Variants in UGGT1 observed in about 807,000 individuals in gnomAD.
The protein encoded by UGGT1 is UDP-glucose:glycoprotein glucosyltransferase 1.
In UGGT1, 107 loss-of-function variants were observed where a neutral mutation model predicts 203.9. That is an observed-to-expected ratio of 0.52 (90% CI 0.45 to 0.62). The LOEUF (loss-of-function observed/expected upper bound fraction) is 0.62. UGGT1 is among the 20% of genes least tolerant of loss of function. UGGT1 has a pLI of 0.00. For synonymous variants in UGGT1, 628 were observed against 653.5 expected (o/e 0.96, Z 0.59); for missense variants, 1,673 against 1,867.2 (o/e 0.90, Z 1.92).
chr2:128,093,678 C>G (rs1424945182), intron 1 of UGGT1, among the ~76,000 whole-genome samples: 1 of 152,136 alleles, frequency 6.6e-6, no homozygotes. Context: ...GCTTTTTACC[C>G]TTTTGTAAAG....
At chr2:128,094,199 A>G (rs1310805267) in intron 1 of UGGT1, among the ~76,000 whole-genome samples, 4 of 152,136 alleles carry the variant, frequency 2.6e-5, no homozygotes, top group Admixed American at 6.6e-5. Flanking sequence ...ATACTGCTAG[A>G]CAGTTCATAT....
At position 128,177,897 on chromosome 2, in the gene UGGT1, T is replaced by A; in HGVS notation, c.3690T>A (p.Ser1230=). The change falls in exon 33 of 41, where the codon TCT becomes TCA. Residue 1230 remains serine, a synonymous_variant. Coordinates refer to ENST00000259253, the MANE Select transcript of UGGT1 (RefSeq NM_020120.4). ...LLSDGTSENE[S]GFWDSFKWGF... is the part of the protein sequence containing the mutation. ...GTGATGGAACGAGTGAGAATGAATC[T>A]GGATTTTGGGATTCCTTCAAATGGT... 1 of 1,604,332 alleles carries A rather than the reference T, an allele frequency of 6.2e-7. No individual in the cohort carries two copies. The highest frequency in any genetic ancestry group is 8.5e-7 in the Non-Finnish European group (1 of 1,175,806).
At chr2:128,097,018 G>A (rs1191863740) in intron 1 of UGGT1, among the ~76,000 whole-genome samples, 3 of 152,216 alleles carry the variant, frequency 2.0e-5, no homozygotes, top group African/African-American at 7.2e-5. Flanking sequence ...GCTAACTTAT[G>A]TTATTTTGTG....
rs574016303 is a variant in UGGT1, at chr2:128,145,188, G to C, written c.1852-615G>C. On this transcript the variant is annotated intron_variant, in intron 17 of 40. Transcript: ENST00000259253. Reference sequence around the variant, plus strand: ...GTGATATGGACCCTTATTTAGAATTGGGTGCAAATATTTACCTCAGGCTTT... The same window carrying C: ...GTGATATGGACCCTTATTTAGAATTCGGTGCAAATATTTACCTCAGGCTTT... Among the ~76,000 whole-genome samples the C allele has an allele frequency of 5.3e-5, 8 of 152,106 alleles. 1 individual carries two copies. Among genetic ancestry groups the C allele is most frequent in the Non-Finnish European group, 1.0e-4 (7 of 68,028 alleles).
intron 11 of UGGT1, among the ~76,000 whole-genome samples, chr2:128,126,183 C>G (rs1357109235): frequency 6.6e-6 from 1 of 151,240 alleles, no homozygotes. Flanking sequence ...ACCTCATGAT[C>G]TGCCTGCCTT....
chr2:128,188,293 C>G (rs1692094226), intron 40 of UGGT1, among the ~76,000 whole-genome samples: 1 of 152,120 alleles, frequency 6.6e-6, no homozygotes, highest in African/African-American at 2.4e-5. Context: ...ATCCGCCCGC[C>G]TCAGCCTCCC....
chr2:128,091,565 C>G, intron 1 of UGGT1, 150 bp downstream of exon 1: 2 of 1,441,712 alleles, frequency 1.4e-6, no homozygotes, highest in South Asian at 1.5e-5. Context: ...TCGCGAGCGC[C>G]CCGAGTTGCC....
chr2:128,133,947 A>G (rs751608958), intron 14 of UGGT1, among the ~76,000 whole-genome samples: 113 of 152,138 alleles, frequency 7.4e-4, no homozygotes, highest in Non-Finnish European at 6.5e-4. Context: ...CAGCCGGGAA[A>G]GAGATAGTGG....
chr2:128,125,983 C>T (rs1325903706), intron 11 of UGGT1, among the ~76,000 whole-genome samples: 4 of 149,790 alleles, frequency 2.7e-5, no homozygotes, highest in Admixed American at 1.3e-4. Flanking sequence ...TGCTGTGTCG[C>T]CCAGGCTGGA....
intron 26 of UGGT1, among the ~76,000 whole-genome samples, chr2:128,168,655 C>A (rs1690917711): frequency 6.6e-6 from 1 of 152,130 alleles, no homozygotes; most frequent in African/African-American, 2.4e-5. Context: ...AAGTTGAGTC[C>A]TTTTAAAAGT....
intron 1 of UGGT1, among the ~76,000 whole-genome samples, chr2:128,092,311 T>TA (rs1483313184): frequency 1.5e-4 from 22 of 142,838 alleles, no homozygotes; most frequent in Admixed American, 2.9e-4. Flanking sequence ...AAGCTTATTT[T>TA]AAAAAAATTC....
chr2:128,132,528 A>G (rs1236852672), intron 13 of UGGT1, among the ~76,000 whole-genome samples: 1 of 152,236 alleles, frequency 6.6e-6, no homozygotes, highest in South Asian at 2.1e-4. Flanking sequence ...AGCCTCGTCA[A>G]TAGAGAGACT....
chr2:128,092,474 C>A (rs998839186), intron 1 of UGGT1, among the ~76,000 whole-genome samples: 1 of 151,614 alleles, frequency 6.6e-6, no homozygotes, highest in African/African-American at 2.4e-5. Flanking sequence ...CATTGAACTT[C>A]AGGGGAATAT....
Position 128,174,833 on chromosome 2 carries a change from T to G in UGGT1, c.3514T>G (p.Ser1172Ala). The change falls in exon 31 of 41, where the codon TCT becomes GCT. Residue 1172 changes from serine (S) to alanine (A), a missense_variant. Coordinates refer to ENST00000259253, the MANE Select transcript of UGGT1 (RefSeq NM_020120.4). ...GATCCTCAGACTTAGGAAGGGACGC[T>G]CTGAAGATATTTATAGAATTTACAG... is the stretch of plus-strand genomic sequence containing the variant. The part of the protein sequence containing the change: ...AWILRLRKGR[S>A]EDIYRIYSHD... The G allele has an allele frequency of 6.2e-7, 1 of 1,613,316 alleles. No individual in the cohort carries two copies.
intron 13 of UGGT1, 41 bp from the exon 14 acceptor site, chr2:128,133,100 G>T (rs762714367): frequency 1.9e-6 from 3 of 1,603,290 alleles, no homozygotes; most frequent in East Asian, 4.5e-5. Flanking sequence ...TTACTAACTG[G>T]TTCCTAATGT....
In UGGT1 at chr2:128,192,045, C is replaced by G. The variant is rs868513242; in HGVS notation, c.*2303C>G. 1 of 152,274 alleles carries G rather than the reference C, an allele frequency of 6.6e-6. No individual in the cohort carries two copies. The highest frequency in any genetic ancestry group is 1.5e-5 in the Non-Finnish European group (1 of 68,132). 9.4% of individuals were successfully genotyped at this position (152,274 alleles called of 1,614,324 possible). A position where few individuals can be genotyped will look rare whatever the true frequency, so the allele number is the denominator to read the frequency against. On this transcript the variant is annotated 3_prime_UTR_variant, in exon 41 of 41. Transcript: ENST00000259253. Reference sequence around the variant, plus strand: ...TATATGCTTTCCAAATGCTGGCCCCCATAGCACCTTTCCCCATGTCTTTCT... The same window carrying G: ...TATATGCTTTCCAAATGCTGGCCCCGATAGCACCTTTCCCCATGTCTTTCT...
chr2:128,167,309 T>G (rs996110547), intron 26 of UGGT1, among the ~76,000 whole-genome samples: 1 of 152,254 alleles, frequency 6.6e-6, no homozygotes, highest in Non-Finnish European at 1.5e-5. Context: ...AATTCTATTA[T>G]GAGACAAATT....
intron 5 of UGGT1, 27 bp downstream of exon 5, chr2:128,109,773 T>G (rs1192102877): frequency 6.4e-7 from 1 of 1,573,724 alleles, no homozygotes; most frequent in Non-Finnish European, 8.7e-7. Context: ...TTTATTTTCA[T>G]GTCATGCATT....
chr2:128,159,245 G>A (rs982726385), intron 22 of UGGT1, among the ~76,000 whole-genome samples: 1 of 151,626 alleles, frequency 6.6e-6, no homozygotes, highest in Non-Finnish European at 1.5e-5. Context: ...AATTACAGGC[G>A]CCCACCACCA....
Sources: gnomAD v4.1 joint callset for allele counts (sites outside exome capture counted in the v4.1 genomes callset) on GRCh38, gnomAD v4.1.1 for gene constraint, MANE v1.5 for transcripts, NCBI Gene and HGNC (gene_info 2026-07-23, HGNC 2026-07-21) for gene names.